The following PASD1 variants were observed in gnomAD, a reference collection of about 807,000 sequenced individuals.
PASD1 encodes the protein PAS domain containing repressor 1.
Under a neutral mutation model 58.8 loss-of-function variants are expected in PASD1, and 13 were observed. The observed-to-expected ratio is 0.22, with a 90% CI of 0.14 to 0.35. PASD1 has a LOEUF of 0.35. Among genes scored for constraint, PASD1 ranks in the 10% least tolerant of loss-of-function variants. The probability of loss-of-function intolerance (pLI) is 1.00; values close to 1 mark genes in which losing one functional copy is unlikely to be tolerated. For missense variants in PASD1, 734 were observed against 568.3 expected, an observed-to-expected ratio of 1.29 and a Z score of -2.96; for synonymous variants, 236 against 216.7, an observed-to-expected ratio of 1.09 and a Z score of -0.78.
intron 11 of PASD1, among the ~76,000 whole-genome samples, chrX:151,667,187 T>G (rs1349403589): frequency 2.7e-5 from 3 of 112,494 alleles, no homozygotes; most frequent in Non-Finnish European, 5.6e-5. Flanking sequence ...TGTCTTCTTT[T>G]GAGAAGTGTC....
chrX:151,667,593 A>G (rs977244758), intron 11 of PASD1, among the ~76,000 whole-genome samples: 1 of 112,225 alleles, frequency 8.9e-6, no homozygotes, highest in Non-Finnish European at 1.9e-5. Flanking sequence ...TCAGCTTTCT[A>G]CATATGGCTA....
chrX:151,610,405 CGA>C lies in PASD1; in HGVS notation c.118-1257_118-1256del, dbSNP rs746643461. Among the ~76,000 whole-genome samples the C allele has an allele frequency of 4.4e-4, 49 of 111,312 alleles. No individual in the cohort carries two copies. The East Asian group carries it at 4.5e-3, about 10-fold the overall frequency. ...TTGTTTGATTATGTTTTATATCTCA[CGA>C]GTCAGTTTTGAGTCTCTTGTTTCTT... On this transcript the variant is annotated intron_variant, in intron 3 of 15. Transcript: ENST00000370357.
At chrX:151,596,446 C>A (rs932442461) in intron 1 of PASD1, among the ~76,000 whole-genome samples, 1 of 112,236 alleles carries the variant, frequency 8.9e-6, no homozygotes, top group Admixed American at 9.4e-5. Flanking sequence ...CCAAGCCATT[C>A]ATAACCCAAA....
intron 1 of PASD1, among the ~76,000 whole-genome samples, chrX:151,586,776 C>T (rs931007236): frequency 9.0e-6 from 1 of 111,182 alleles, no homozygotes; most frequent in Non-Finnish European, 1.9e-5. Context: ...CCGGGGCATC[C>T]CTAGAACTTG....
chrX:151,637,021 C>T (rs1355757734), intron 8 of PASD1, among the ~76,000 whole-genome samples: 1 of 112,235 alleles, frequency 8.9e-6, no homozygotes, highest in Non-Finnish European at 1.9e-5. Flanking sequence ...TAGAGACTGG[C>T]TTCTTTCTCT....
rs186190525 is a variant in PASD1 at position 151,591,565 on chromosome X, A to G, written c.-27-9962A>G. Among the ~76,000 whole-genome samples the G allele has an allele frequency of 4.5e-5, 5 of 112,059 alleles. No individual in the cohort carries two copies. The East Asian group carries it at 1.1e-3, about 25-fold the overall frequency. On this transcript the variant is annotated intron_variant, in intron 1 of 15. Coordinates refer to ENST00000370357, the MANE Select transcript of PASD1 (RefSeq NM_173493.3). Reference sequence around the variant, plus strand: ...ATTATTTTGCATAGGAGGGCTGACTATTCTTGGCCTGAGAGCTTTTAATTA... The same window carrying G: ...ATTATTTTGCATAGGAGGGCTGACTGTTCTTGGCCTGAGAGCTTTTAATTA...
At chrX:151,599,440 G>A (rs1370269968) in intron 1 of PASD1, among the ~76,000 whole-genome samples, 1 of 107,036 alleles carries the variant, frequency 9.3e-6, no homozygotes, top group Non-Finnish European at 1.9e-5. Flanking sequence ...GCGGCTGGCC[G>A]GGCGGGGGCT....
At chrX:151,617,078 G>T (rs1327781049) in intron 4 of PASD1, among the ~76,000 whole-genome samples, 1 of 111,207 alleles carries the variant, frequency 9.0e-6, no homozygotes, top group African/African-American at 3.3e-5. Flanking sequence ...ACTAATATTT[G>T]TGTGACAACT....
chrX:151,578,274 A>G (rs1219542325), intron 1 of PASD1: 1 of 112,310 alleles, frequency 8.9e-6, no homozygotes, highest in East Asian at 2.8e-4. Flanking sequence ...ATTTTTGCTT[A>G]ATCCTGTTAA....
At chrX:151,596,094 G>A (rs758696072) in intron 1 of PASD1, among the ~76,000 whole-genome samples, 6 of 111,909 alleles carry the variant, frequency 5.4e-5, no homozygotes, top group Non-Finnish European at 9.4e-5. Flanking sequence ...TCCCACATCA[G>A]TTATTCTAGA....
intron 4 of PASD1, among the ~76,000 whole-genome samples, chrX:151,618,230 G>T (rs936196580): frequency 9.0e-6 from 1 of 111,228 alleles, no homozygotes; most frequent in African/African-American, 3.3e-5. Flanking sequence ...CTGCTAATTT[G>T]ATCATTGACC....
intron 1 of PASD1, among the ~76,000 whole-genome samples, chrX:151,590,703 C>A (rs145354560): frequency 0.066 from 7,363 of 111,196 alleles, 251 homozygotes; most frequent in African/African-American, 0.13. Flanking sequence ...ACCTCAGCCT[C>A]CACAGTAGCT....
At position 151,589,228 on chromosome X, in the gene PASD1, G is replaced by A. The variant is rs1029019489; in HGVS notation, c.-27-12299G>A. Reference sequence around the variant, plus strand: ...TTCTGCCACATGTTGCACATTACGCGGGCATACATTAGGTGCCATGATACC... The same window carrying A: ...TTCTGCCACATGTTGCACATTACGCAGGCATACATTAGGTGCCATGATACC... On this transcript the variant is annotated intron_variant, in intron 1 of 15. Coordinates refer to ENST00000370357, the MANE Select transcript of PASD1 (RefSeq NM_173493.3). Among the ~76,000 whole-genome samples, 4 of 110,976 alleles carry A rather than the reference G, an allele frequency of 3.6e-5. No homozygotes were observed. The South Asian group carries it at 1.5e-3, about 43-fold the overall frequency.
intron 15 of PASD1, 107 bp downstream of exon 15, chrX:151,674,293 ACTTCAAAGC>A: frequency 2.0e-6 from 2 of 1,010,093 alleles, no homozygotes; most frequent in Non-Finnish European, 2.7e-6. Context: ...TGAGAGCCAG[ACTTCAAAGC>A]TCAGTACATT....
At chrX:151,578,585 G>T (rs1292539158) in intron 1 of PASD1, among the ~76,000 whole-genome samples, 3 of 112,441 alleles carry the variant, frequency 2.7e-5, no homozygotes. Flanking sequence ...TTCAAAAACT[G>T]GCCTTGCAGG....
At chrX:151,654,763 G>C (rs1443937689) in intron 9 of PASD1, among the ~76,000 whole-genome samples, 1 of 111,522 alleles carries the variant, frequency 9.0e-6, no homozygotes, top group Admixed American at 9.5e-5. Flanking sequence ...TTTAAGAGAA[G>C]ATGGTGGAAT....
At chrX:151,582,072 C>T (rs1368155501) in intron 1 of PASD1, among the ~76,000 whole-genome samples, 3 of 104,034 alleles carry the variant, frequency 2.9e-5, no homozygotes, top group East Asian at 3.0e-4. Flanking sequence ...CTGCAACCTC[C>T]GCCTCCCGGG....
At chrX:151,579,345 A>G (rs764387107) in intron 1 of PASD1, among the ~76,000 whole-genome samples, 2 of 112,082 alleles carry the variant, frequency 1.8e-5, no homozygotes, top group Non-Finnish European at 3.8e-5. Context: ...CCTAGTTTCT[A>G]TAGATTTTAA....
chrX:151,642,662 C>T (rs1009385405), intron 8 of PASD1, among the ~76,000 whole-genome samples: 3 of 112,224 alleles, frequency 2.7e-5, no homozygotes, highest in Admixed American at 1.9e-4. Context: ...CATCAAATGA[C>T]TTATTTGCCA....
Sources: allele counts gnomAD v4.1 joint callset (sites outside exome capture counted in the v4.1 genomes callset), GRCh38; gene constraint gnomAD v4.1.1; transcripts MANE v1.5; gene names NCBI Gene and HGNC (gene_info 2026-07-23, HGNC 2026-07-21).